The following ROCK2 variants were observed in gnomAD, a reference collection of about 807,000 sequenced individuals.
The protein encoded by ROCK2 is rho-associated protein kinase 2.
A neutral mutation model predicts 195.1 loss-of-function variants in ROCK2; 61 were observed. The ratio of observed to expected loss-of-function variants is 0.31; its 90% CI spans 0.25 to 0.39. The LOEUF is 0.39. Among genes scored for constraint, ROCK2 ranks in the 10% least tolerant of loss-of-function variants. ROCK2 has a pLI of 1.00. For missense variants in ROCK2, 1,109 were observed against 1,637.4 expected (o/e 0.68, Z 5.57); for synonymous variants, 504 against 545.5 (o/e 0.92, Z 1.06).
At chr2:11,301,126 T>C (rs1667689190) in intron 1 of ROCK2, among the ~76,000 whole-genome samples, 1 of 152,180 alleles carries the variant, frequency 6.6e-6, no homozygotes, top group Non-Finnish European at 1.5e-5. Context: ...AAAAAGTTTG[T>C]ACCATTAATA....
At chr2:11,314,346 T>G (rs985539031) in intron 1 of ROCK2, among the ~76,000 whole-genome samples, 1 of 151,946 alleles carries the variant, frequency 6.6e-6, no homozygotes, top group Admixed American at 6.6e-5. Flanking sequence ...AGAAACTGAC[T>G]GCATTGCACA....
intron 9 of ROCK2, among the ~76,000 whole-genome samples, chr2:11,220,652 C>G (rs1664606777): frequency 6.6e-6 from 1 of 152,156 alleles, no homozygotes; most frequent in Non-Finnish European, 1.5e-5. Context: ...TGCTCTGCTC[C>G]CAATGTATGC....
intron 1 of ROCK2, among the ~76,000 whole-genome samples, chr2:11,337,352 T>C (rs1668961227): frequency 6.6e-6 from 1 of 151,978 alleles, no homozygotes; most frequent in African/African-American, 2.4e-5. Flanking sequence ...CAAAAGAACT[T>C]CTAAGATTCA....
intron 4 of ROCK2, among the ~76,000 whole-genome samples, chr2:11,238,053 G>A (rs1181528076): frequency 6.6e-6 from 1 of 152,204 alleles, no homozygotes; most frequent in Non-Finnish European, 1.5e-5. Flanking sequence ...ACTCCAGGCT[G>A]GGCGACAGAG....
At chr2:11,205,311 T>G (rs1664009976) in intron 20 of ROCK2, among the ~76,000 whole-genome samples, 1 of 152,184 alleles carries the variant, frequency 6.6e-6, no homozygotes, top group African/African-American at 2.4e-5. Context: ...AATACTTCTT[T>G]TCCATCTATA....
intron 32 of ROCK2, among the ~76,000 whole-genome samples, chr2:11,184,141 A>G (rs1320917130): frequency 1.3e-5 from 2 of 152,218 alleles, no homozygotes; most frequent in African/African-American, 4.8e-5. Context: ...CAAGGGTAAC[A>G]TTAAATTCTC....
intron 1 of ROCK2, among the ~76,000 whole-genome samples, chr2:11,295,905 C>A (rs1299136441): frequency 1.3e-5 from 2 of 149,740 alleles, no homozygotes; most frequent in South Asian, 2.1e-4. Flanking sequence ...TGCAGTGAGC[C>A]GAGATCGCGC....
At chr2:11,189,826 TAAAAAC>T (rs980228785) in intron 32 of ROCK2, among the ~76,000 whole-genome samples, 4 of 149,584 alleles carry the variant, frequency 2.7e-5, no homozygotes, top group Non-Finnish European at 5.9e-5. Flanking sequence ...CTACAGAAAA[TAAAAAC>T]AAAAAAAAAT....
At chr2:11,281,942 G>C (rs1374119574) in intron 3 of ROCK2, among the ~76,000 whole-genome samples, 2 of 151,896 alleles carry the variant, frequency 1.3e-5, no homozygotes, top group African/African-American at 2.4e-5. Context: ...AGACCAAGTT[G>C]GTCTATATTT....
rs1663868824 is a variant in ROCK2, at chr2:11,201,982, T to C, written c.2619+70A>G. 3 of 1,120,014 alleles carry C rather than the reference T, an allele frequency of 2.7e-6. No homozygotes were observed. The highest frequency in any genetic ancestry group is 1.7e-5 in the Admixed American group (1 of 59,380). The allele number at this position is 1,120,014 out of a possible 1,614,324, so 69.4% of individuals were successfully genotyped here. On this transcript the variant is annotated intron_variant, in intron 21 of 32. Coordinates refer to ENST00000315872, the MANE Select transcript of ROCK2 (RefSeq NM_004850.5). This position sits in a 1 kb window ranked among gnomAD's most constrained non-coding sequence, Gnocchi z 4.6. Reference sequence around the variant, plus strand: ...CCAGCTGCTCTTTTTATATGAGTTGTATGGTATAAATAAAATATCCCAACC... The same window carrying C: ...CCAGCTGCTCTTTTTATATGAGTTGCATGGTATAAATAAAATATCCCAACC...
At chr2:11,339,747 T>C (rs1669045897) in intron 1 of ROCK2, among the ~76,000 whole-genome samples, 1 of 151,988 alleles carries the variant, frequency 6.6e-6, no homozygotes, top group Non-Finnish European at 1.5e-5. Flanking sequence ...TAAACAATAT[T>C]GTTTAGAGAT....
chr2:11,207,372 T>C (rs1572242678), intron 20 of ROCK2, among the ~76,000 whole-genome samples: 1 of 152,222 alleles, frequency 6.6e-6, no homozygotes, highest in South Asian at 2.1e-4. Flanking sequence ...CAGTCAAACA[T>C]TTCCAAGTCT....
chr2:11,238,996 T>C (rs972229236), intron 4 of ROCK2, among the ~76,000 whole-genome samples: 88 of 151,560 alleles, frequency 5.8e-4, no homozygotes, highest in African/African-American at 1.7e-3. Context: ...AAAAAAAAGT[T>C]TGAACAACTG....
chr2:11,309,919 T>C (rs1018155395), intron 1 of ROCK2, among the ~76,000 whole-genome samples: 1 of 151,798 alleles, frequency 6.6e-6, no homozygotes, highest in African/African-American at 2.4e-5. Context: ...AGGCAAAAGT[T>C]GGAGTGAGCC....
At chr2:11,196,462 T>C (rs1663640668) in intron 27 of ROCK2, among the ~76,000 whole-genome samples, 1 of 152,196 alleles carries the variant, frequency 6.6e-6, no homozygotes, top group Middle Eastern at 3.2e-3. Context: ...AATGTATTAC[T>C]CCATTTCTCG....
Position 11,255,749 on chromosome 2 carries a change from G to A in ROCK2, c.325-5951C>T, listed in dbSNP as rs535917439. Among the ~76,000 whole-genome samples the A allele has an allele frequency of 1.0e-4, 15 of 149,814 alleles. No homozygotes were observed. The East Asian group carries it at 1.7e-3, about 17-fold the overall frequency. ...AGCCTGGCCAACATGGTGAAACCCC[G>A]TCTCTACTAAAAATACAAAAATTAG... is the stretch of plus-strand genomic sequence containing the variant. On this transcript the variant is annotated intron_variant, in intron 3 of 32. Coordinates refer to ENST00000315872, the MANE Select transcript of ROCK2 (RefSeq NM_004850.5).
intron 1 of ROCK2, among the ~76,000 whole-genome samples, chr2:11,297,182 A>T (rs933549678): frequency 5.9e-5 from 9 of 152,146 alleles, no homozygotes; most frequent in African/African-American, 1.9e-4. Context: ...TAGTATTTTT[A>T]AAAAATTAAT....
intron 1 of ROCK2, among the ~76,000 whole-genome samples, chr2:11,330,769 A>AGGAGGGAGGAGGAGGAGGGAGGAGGG: frequency 1.4e-5 from 1 of 73,808 alleles, no homozygotes; most frequent in African/African-American, 5.3e-5. Flanking sequence ...AGGGAGGAGG[A>AGGAGGGAGGAGGAGGAGGGAGGAGGG]GGAGGGAGGG....
chr2:11,286,915 T>A (rs1169592114), intron 2 of ROCK2, among the ~76,000 whole-genome samples: 1 of 152,212 alleles, frequency 6.6e-6, no homozygotes, highest in Non-Finnish European at 1.5e-5. Context: ...GCAAGTTAGA[T>A]GATAGCTGAC....
Sources: gnomAD v4.1 joint callset for allele counts (sites outside exome capture counted in the v4.1 genomes callset) on GRCh38, gnomAD v4.1.1 for gene constraint, Gnocchi (gnomAD v3.1) non-coding constraint, MANE v1.5 for transcripts, NCBI Gene and HGNC (gene_info 2026-07-23, HGNC 2026-07-21) for gene names.